LCORL: variants seen among roughly 807,000 people sequenced by gnomAD.
The protein encoded by LCORL is ligand dependent nuclear receptor corepressor like.
LCORL carries 41 observed loss-of-function variants against 141.8 expected under a neutral mutation model. The ratio of observed to expected loss-of-function variants is 0.29; its 90% CI spans 0.23 to 0.38. LCORL has a LOEUF of 0.38. Ranked by LOEUF, LCORL falls within the 10% of genes least tolerant of loss-of-function variation. The pLI, the probability that LCORL is intolerant of heterozygous loss-of-function variation, is 1.00. For synonymous variants in LCORL, 618 were observed against 694.1 expected (o/e 0.89, Z 1.72); for missense variants, 1,759 against 2,035.0 (o/e 0.86, Z 2.61).
intron 4 of LCORL, among the ~76,000 whole-genome samples, chr4:17,943,010 G>A (rs1409404117): frequency 6.6e-6 from 1 of 152,158 alleles, no homozygotes; most frequent in Non-Finnish European, 1.5e-5. Flanking sequence ...ATGATCTGAG[G>A]TGTAACAGTT....
At chr4:17,881,765 C>T in intron 6 of LCORL, 1 of 975,060 alleles carries the variant, frequency 1.0e-6, no homozygotes, top group South Asian at 4.7e-5. Context: ...TTCAAAGCCC[C>T]CAAAGTTTTC....
chr4:17,851,328 C>T (rs192821141), intron 7 of LCORL, among the ~76,000 whole-genome samples: 43 of 152,082 alleles, frequency 2.8e-4, no homozygotes, highest in African/African-American at 9.9e-4. Flanking sequence ...AGAAGTCTAT[C>T]GGTGCTCCAA....
chr4:17,921,270 C>T (rs1249318173), intron 4 of LCORL, among the ~76,000 whole-genome samples: 2 of 151,988 alleles, frequency 1.3e-5, no homozygotes, highest in Admixed American at 6.6e-5. Flanking sequence ...TTGTGATCTG[C>T]CCCCACCTTG....
At chr4:17,867,143 C>G (rs1040827640) in intron 7 of LCORL, 1 of 171,148 alleles carries the variant, frequency 5.8e-6, no homozygotes, top group Non-Finnish European at 1.2e-5. Flanking sequence ...CAAAACAGAA[C>G]AGCTAACATG....
intron 7 of LCORL, among the ~76,000 whole-genome samples, chr4:17,857,987 C>G (rs1389440693): frequency 6.6e-6 from 1 of 152,002 alleles, no homozygotes; most frequent in African/African-American, 2.4e-5. Context: ...TGCATGCATG[C>G]ATGCAAAAAA....
intron 1 of LCORL, among the ~76,000 whole-genome samples, chr4:17,983,449 GTT>G (rs1332687682): frequency 6.6e-6 from 1 of 152,062 alleles, no homozygotes; most frequent in African/African-American, 2.4e-5. Flanking sequence ...TCTGAGCAGT[GTT>G]TTGTAATTCT....
At chr4:18,002,231 G>A (rs1463005458) in intron 1 of LCORL, among the ~76,000 whole-genome samples, 1 of 152,176 alleles carries the variant, frequency 6.6e-6, no homozygotes, top group Non-Finnish European at 1.5e-5. Flanking sequence ...CCACTGTTCA[G>A]CATATGCTAT....
intron 1 of LCORL, among the ~76,000 whole-genome samples, chr4:17,975,912 A>C (rs6449350): frequency 0.24 from 36,974 of 151,998 alleles, 5,849 homozygotes; most frequent in African/African-American, 0.45. Flanking sequence ...TGGGTCTTTT[A>C]TCTCTCATGA....
chr4:17,984,454 T>C (rs982569385), intron 1 of LCORL, among the ~76,000 whole-genome samples: 5 of 152,148 alleles, frequency 3.3e-5, no homozygotes, highest in African/African-American at 1.2e-4. Flanking sequence ...GAGCTCATTA[T>C]TGGTCTCTTC....
chr4:17,878,603 A>T (rs997169586), intron 6 of LCORL, among the ~76,000 whole-genome samples: 3 of 151,356 alleles, frequency 2.0e-5, no homozygotes, highest in Non-Finnish European at 4.4e-5. Context: ...ATTAGTGCAA[A>T]TAAGGAAAAT....
intron 4 of LCORL, among the ~76,000 whole-genome samples, chr4:17,932,261 C>T (rs1202644903): frequency 6.6e-6 from 1 of 152,064 alleles, no homozygotes; most frequent in African/African-American, 2.4e-5. Flanking sequence ...TTTCACATGT[C>T]CTACAATGAC....
intron 4 of LCORL, among the ~76,000 whole-genome samples, chr4:17,926,217 A>G (rs1196208398): frequency 6.6e-6 from 1 of 152,160 alleles, no homozygotes; most frequent in African/African-American, 2.4e-5. Flanking sequence ...TGAAGGATGC[A>G]AAGTATTGTT....
At chr4:17,997,251 T>C (rs1453683031) in intron 1 of LCORL, among the ~76,000 whole-genome samples, 1 of 152,204 alleles carries the variant, frequency 6.6e-6, no homozygotes, top group Non-Finnish European at 1.5e-5. Flanking sequence ...CCAATCTTAC[T>C]TGTTGGAATT....
intron 7 of LCORL, among the ~76,000 whole-genome samples, chr4:17,861,981 C>T (rs1235539837): frequency 6.6e-6 from 1 of 152,198 alleles, no homozygotes; most frequent in African/African-American, 2.4e-5. Flanking sequence ...AGCCATTCAA[C>T]AAGTCTCTAG....
chr4:17,968,778 T>A (rs1194560712), intron 2 of LCORL, among the ~76,000 whole-genome samples: 1 of 152,228 alleles, frequency 6.6e-6, no homozygotes, highest in Non-Finnish European at 1.5e-5. Flanking sequence ...GAATTTCATA[T>A]AATTTTCATG....
chr4:17,968,877 C>T (rs1178991583), intron 2 of LCORL, among the ~76,000 whole-genome samples: 1 of 152,096 alleles, frequency 6.6e-6, no homozygotes, highest in Non-Finnish European at 1.5e-5. Flanking sequence ...TGGATTTAGC[C>T]CACATGCTGT....
At chr4:17,966,623 A>G (rs928757201) in intron 2 of LCORL, among the ~76,000 whole-genome samples, 1 of 152,168 alleles carries the variant, frequency 6.6e-6, no homozygotes, top group African/African-American at 2.4e-5. Flanking sequence ...CATTGTCCAA[A>G]TATCAAACTC....
At chr4:17,854,717 C>T (rs977050856) in intron 7 of LCORL, among the ~76,000 whole-genome samples, 5 of 151,894 alleles carry the variant, frequency 3.3e-5, no homozygotes, top group Admixed American at 1.3e-4. Flanking sequence ...CTTAGTTTTT[C>T]TCAAAATTTT....
intron 1 of LCORL, among the ~76,000 whole-genome samples, chr4:17,994,955 A>T (rs1460727627): frequency 6.6e-6 from 1 of 151,986 alleles, no homozygotes; most frequent in Non-Finnish European, 1.5e-5. Flanking sequence ...GGAAAATGTC[A>T]CTCTGAAACC....
Sources: allele counts gnomAD v4.1 joint callset (sites outside exome capture counted in the v4.1 genomes callset), GRCh38; gene constraint gnomAD v4.1.1; transcripts MANE v1.5; gene names NCBI Gene and HGNC (gene_info 2026-07-23, HGNC 2026-07-21).